The following ITCH variants were observed in gnomAD, a reference collection of about 807,000 sequenced individuals.
ITCH encodes E3 ubiquitin-protein ligase Itchy homolog.
ITCH carries 28 observed loss-of-function variants against 126.8 expected under a neutral mutation model. That is an observed-to-expected ratio of 0.22 (90% CI 0.16 to 0.30). The LOEUF is 0.30. ITCH is among the 10% of genes least tolerant of loss of function. The pLI is 1.00. For missense variants in ITCH, 631 were observed against 1,032.4 expected (o/e 0.61, Z 5.33); for synonymous variants, 342 against 340.0 (o/e 1.01, Z -0.06).
intron 7 of ITCH, among the ~76,000 whole-genome samples, chr20:34,426,380 A>G (rs1981515752): frequency 6.6e-6 from 1 of 152,154 alleles, no homozygotes; most frequent in African/African-American, 2.4e-5. Context: ...CTGTGCTGTT[A>G]GGTACATGGG....
intron 7 of ITCH, among the ~76,000 whole-genome samples, chr20:34,428,949 T>G (rs1981921060): frequency 6.6e-6 from 1 of 152,176 alleles, no homozygotes; most frequent in African/African-American, 2.4e-5. Context: ...TTTTTACTTT[T>G]TTGTTTGAGA....
chr20:34,472,429 G>A (rs953711470), intron 16 of ITCH, among the ~76,000 whole-genome samples: 3 of 148,868 alleles, frequency 2.0e-5, no homozygotes, highest in Non-Finnish European at 1.5e-5. Context: ...CCTTTATCTT[G>A]CAGATATTAC....
chr20:34,442,011 T>C (rs1207697975), intron 9 of ITCH, 197 bp from the exon 10 acceptor site: 2 of 602,014 alleles, frequency 3.3e-6, no homozygotes, highest in Non-Finnish European at 6.0e-6. Context: ...TAGAAGAAAT[T>C]GAATTCACTG....
At chr20:34,423,118 C>T (rs929654634) in intron 6 of ITCH, among the ~76,000 whole-genome samples, 3 of 151,964 alleles carry the variant, frequency 2.0e-5, no homozygotes, top group African/African-American at 4.8e-5. Context: ...TCTAAAAATT[C>T]GTCTTTTTCT....
At chr20:34,443,181 A>G (rs1441622983) in intron 10 of ITCH, among the ~76,000 whole-genome samples, 1 of 152,046 alleles carries the variant, frequency 6.6e-6, no homozygotes, top group African/African-American at 2.4e-5. Flanking sequence ...GAAGTTAAGG[A>G]TATATTAATA....
chr20:34,480,757 TA>T, intron 19 of ITCH, 25 bp downstream of exon 19: 2 of 1,540,074 alleles, frequency 1.3e-6, no homozygotes, highest in Non-Finnish European at 1.8e-6. Context: ...CCATGTAATT[TA>T]TTAAAATATA....
chr20:34,482,828 G>A (rs1365258324), intron 20 of ITCH, among the ~76,000 whole-genome samples: 2 of 152,200 alleles, frequency 1.3e-5, no homozygotes, highest in Non-Finnish European at 2.9e-5. Flanking sequence ...CACTGACCTA[G>A]CAGAGGTTCT....
intron 13 of ITCH, among the ~76,000 whole-genome samples, chr20:34,460,352 C>CTTTTT (rs749083015): frequency 1.8e-5 from 2 of 108,970 alleles, no homozygotes; most frequent in African/African-American, 3.5e-5. Flanking sequence ...CCACACCCAG[C>CTTTTT]TTTTTTTTTT....
At chr20:34,435,909 T>A (rs1377289631) in intron 7 of ITCH, among the ~76,000 whole-genome samples, 1 of 152,124 alleles carries the variant, frequency 6.6e-6, no homozygotes, top group Non-Finnish European at 1.5e-5. Flanking sequence ...AGGAGGCAGG[T>A]AGAATAAATA....
chr20:34,409,728 A>T (rs1487827765), intron 4 of ITCH, among the ~76,000 whole-genome samples: 1 of 152,182 alleles, frequency 6.6e-6, no homozygotes, highest in Non-Finnish European at 1.5e-5. Flanking sequence ...ATATCTTTGT[A>T]TGTTGGTGTT....
chr20:34,491,948 A>G (rs938657093), intron 22 of ITCH, among the ~76,000 whole-genome samples: 1 of 152,068 alleles, frequency 6.6e-6, no homozygotes, highest in Non-Finnish European at 1.5e-5. Flanking sequence ...CAAGGTCTGT[A>G]TCCTGTGTAG....
chr20:34,373,506 C>T (rs1164303980), intron 2 of ITCH, among the ~76,000 whole-genome samples: 2 of 152,144 alleles, frequency 1.3e-5, no homozygotes, highest in Admixed American at 6.6e-5. Context: ...AAACTCCTGA[C>T]TTCAGGTGAT....
At chr20:34,440,824 A>G (rs73097074) in intron 9 of ITCH, among the ~76,000 whole-genome samples, 1,909 of 152,260 alleles carry the variant, frequency 0.013, 28 homozygotes, top group Non-Finnish European at 0.021. Flanking sequence ...CATATTTGAA[A>G]TCTTCAGGGC....
chr20:34,449,535 C>T (rs967941300), intron 12 of ITCH, 55 bp downstream of exon 12: 120 of 1,124,484 alleles, frequency 1.1e-4, no homozygotes, highest in Non-Finnish European at 3.8e-5. Context: ...TGTTCTCTTC[C>T]AATTGTGTCA....
At chr20:34,400,242 T>A (rs960041034) in intron 3 of ITCH, among the ~76,000 whole-genome samples, 5 of 151,910 alleles carry the variant, frequency 3.3e-5, no homozygotes, top group African/African-American at 4.8e-5. Flanking sequence ...CGGCCAAAAA[T>A]TTTTTTTTGT....
At chr20:34,427,851 T>C (rs201551185) in intron 7 of ITCH, among the ~76,000 whole-genome samples, 50 of 152,376 alleles carry the variant, frequency 3.3e-4, no homozygotes, top group Non-Finnish European at 6.3e-4. Context: ...GGTTCTGTTA[T>C]GCCAGTGTGT....
chr20:34,415,115 C>A (rs184407319), intron 6 of ITCH, among the ~76,000 whole-genome samples: 1 of 152,278 alleles, frequency 6.6e-6, no homozygotes, highest in Admixed American at 6.5e-5. Context: ...AATGAAAGAG[C>A]AGATTAATGG....
At chr20:34,419,689 CTG>C (rs1190090597) in intron 6 of ITCH, among the ~76,000 whole-genome samples, 3 of 152,330 alleles carry the variant, frequency 2.0e-5, no homozygotes, top group Non-Finnish European at 4.4e-5. Context: ...GAGTCTCACT[CTG>C]TCGCCCAGGC....
intron 2 of ITCH, among the ~76,000 whole-genome samples, chr20:34,373,750 C>G (rs77692101): frequency 0.024 from 3,650 of 152,222 alleles, 157 homozygotes; most frequent in African/African-American, 0.084. Context: ...TCGTCACTTA[C>G]AGGTTAAGAA....
Sources: allele counts gnomAD v4.1 joint callset (sites outside exome capture counted in the v4.1 genomes callset), GRCh38; gene constraint gnomAD v4.1.1; transcripts MANE v1.5; gene names NCBI Gene and HGNC (gene_info 2026-07-23, HGNC 2026-07-21).